PARN: variants seen among roughly 807,000 people sequenced by gnomAD.
PARN encodes the protein poly(A)-specific ribonuclease.
Under a neutral mutation model 102.8 loss-of-function variants are expected in PARN, and 71 were observed. That is an observed-to-expected ratio of 0.69 (90% CI 0.57 to 0.84). The LOEUF (loss-of-function observed/expected upper bound fraction) is 0.84, where lower values mean the gene tolerates loss of function less well. Ranked by LOEUF, PARN falls within the 40% of genes least tolerant of loss-of-function variation. PARN has a pLI of 0.00. For missense variants in PARN, 782 were observed against 760.9 expected, an observed-to-expected ratio of 1.03 and a Z score of -0.33; for synonymous variants, 261 against 252.9, an observed-to-expected ratio of 1.03 and a Z score of -0.30.
At chr16:14,516,576 A>C (rs1032997168) in intron 21 of PARN, among the ~76,000 whole-genome samples, 2 of 152,232 alleles carry the variant, frequency 1.3e-5, no homozygotes, top group African/African-American at 4.8e-5. Context: ...CATATTTAAG[A>C]TTCTCAAAGA....
At chr16:14,564,648 T>C (rs1173720146) in intron 18 of PARN, among the ~76,000 whole-genome samples, 1 of 152,154 alleles carries the variant, frequency 6.6e-6, no homozygotes, top group Non-Finnish European at 1.5e-5. Context: ...CTGGATGATC[T>C]AGACAGACTT....
chr16:14,442,602 CCT>C (rs892656192), intron 23 of PARN, among the ~76,000 whole-genome samples: 7 of 148,274 alleles, frequency 4.7e-5, no homozygotes, highest in South Asian at 2.3e-4. Flanking sequence ...CTCCCTCCCT[CCT>C]CTCTCTTTCT....
rs1187518206 is a variant in PARN, at chr16:14,630,147, T to C, written c.-22A>G. The C allele has an allele frequency of 1.4e-5, 22 of 1,554,908 alleles. No individual in the cohort carries two copies. Among genetic ancestry groups the C allele is most frequent in the Middle Eastern group, 1.7e-4 (1 of 5,924 alleles). On this transcript the variant is annotated 5_prime_UTR_variant, in exon 1 of 24. Transcript: ENST00000437198. ...CCATTCTGCAGAGTGGCCGGAACCT[T>C]GGCCCCACCCGGGCCCGCGCCCGCC...
chr16:14,490,573 C>T (rs540256389), intron 21 of PARN, among the ~76,000 whole-genome samples: 40 of 152,260 alleles, frequency 2.6e-4, no homozygotes, highest in African/African-American at 9.1e-4. Flanking sequence ...AGGCCCAAAT[C>T]CTACTCCTCT....
chr16:14,624,120 C>T (rs965709544), intron 5 of PARN, among the ~76,000 whole-genome samples: 3 of 152,228 alleles, frequency 2.0e-5, no homozygotes, highest in South Asian at 2.1e-4. Flanking sequence ...CATCTCACTG[C>T]GCACACAGGG....
chr16:14,510,023 C>A (rs1179811887), intron 21 of PARN, among the ~76,000 whole-genome samples: 2 of 152,160 alleles, frequency 1.3e-5, no homozygotes, highest in African/African-American at 2.4e-5. Flanking sequence ...AACACCCCAA[C>A]AGAACAATGG....
intron 22 of PARN, among the ~76,000 whole-genome samples, chr16:14,479,996 A>C (rs1240164953): frequency 2.6e-5 from 4 of 152,060 alleles, no homozygotes; most frequent in African/African-American, 9.7e-5. Context: ...GGATTCACTA[A>C]CAATAAACGG....
intron 21 of PARN, among the ~76,000 whole-genome samples, chr16:14,496,882 C>T (rs1964342584): frequency 6.6e-6 from 1 of 152,178 alleles, no homozygotes; most frequent in South Asian, 2.1e-4. Flanking sequence ...CTATTTTCTT[C>T]CATCTTTAAT....
chr16:14,505,278 T>A (rs146668508), intron 21 of PARN, among the ~76,000 whole-genome samples: 103 of 152,288 alleles, frequency 6.8e-4, no homozygotes, highest in African/African-American at 2.2e-3. Flanking sequence ...CTGACAGATA[T>A]ACTATGGAAA....
intron 21 of PARN, among the ~76,000 whole-genome samples, chr16:14,515,737 G>C (rs1291976590): frequency 6.6e-6 from 1 of 151,838 alleles, no homozygotes; most frequent in East Asian, 1.9e-4. Context: ...GGGATTCAAG[G>C]CCAGCCTGGG....
intron 18 of PARN, among the ~76,000 whole-genome samples, chr16:14,573,191 A>G (rs1968912672): frequency 6.6e-6 from 1 of 152,130 alleles, no homozygotes; most frequent in Non-Finnish European, 1.5e-5. Context: ...TTATTTATTT[A>G]TTTTTAATTA....
intron 21 of PARN, among the ~76,000 whole-genome samples, chr16:14,505,684 T>C (rs1008588781): frequency 1.3e-5 from 2 of 152,190 alleles, no homozygotes; most frequent in Non-Finnish European, 2.9e-5. Context: ...TCATTAAATG[T>C]AATAAATAAT....
At chr16:14,531,996 G>A (rs1248881789) in intron 21 of PARN, among the ~76,000 whole-genome samples, 4 of 151,712 alleles carry the variant, frequency 2.6e-5, no homozygotes, top group Admixed American at 1.3e-4. Flanking sequence ...CCAGGAGTTC[G>A]AGGCTGCAGT....
chr16:14,447,446 A>T (rs988069273), intron 22 of PARN, among the ~76,000 whole-genome samples: 1 of 152,268 alleles, frequency 6.6e-6, no homozygotes, highest in Non-Finnish European at 1.5e-5. Flanking sequence ...TTTTGGTTAC[A>T]TTAAATCAGA....
At chr16:14,511,186 G>A (rs1965170490) in intron 21 of PARN, among the ~76,000 whole-genome samples, 1 of 152,152 alleles carries the variant, frequency 6.6e-6, no homozygotes, top group Non-Finnish European at 1.5e-5. Context: ...CTCACTGCTA[G>A]CTTAAAGCCT....
intron 21 of PARN, among the ~76,000 whole-genome samples, chr16:14,513,173 C>T (rs969634115): frequency 6.6e-6 from 1 of 152,174 alleles, no homozygotes; most frequent in Non-Finnish European, 1.5e-5. Context: ...GATCTGCCCG[C>T]CTCGGCCTCC....
intron 21 of PARN, among the ~76,000 whole-genome samples, chr16:14,536,185 T>C (rs1038506178): frequency 2.0e-5 from 3 of 152,234 alleles, no homozygotes; most frequent in African/African-American, 4.8e-5. Flanking sequence ...TAGCCATTTA[T>C]ATAACAAAGT....
chr16:14,548,331 C>A (rs932814866), intron 21 of PARN, among the ~76,000 whole-genome samples: 6 of 151,802 alleles, frequency 4.0e-5, no homozygotes, highest in Admixed American at 1.3e-4. Flanking sequence ...TTATAAAGAA[C>A]AAATTTCACA....
chr16:14,528,099 A>T lies in PARN; in HGVS notation c.1480+23922T>A, dbSNP rs1348022364. Among the ~76,000 whole-genome samples the T allele has an allele frequency of 4.6e-5, 7 of 152,256 alleles. 1 individual carries two copies. The highest frequency in any genetic ancestry group is 4.6e-4 in the Admixed American group (7 of 15,286). On this transcript the variant is annotated intron_variant, in intron 21 of 23. Transcript: ENST00000437198. ...GAGGACTGACTGTATTTTTAAAACC[A>T]TGCCCAAACCAGCTGCTCAAACTGA...
Sources: allele counts gnomAD v4.1 joint callset (sites outside exome capture counted in the v4.1 genomes callset), GRCh38; gene constraint gnomAD v4.1.1; transcripts MANE v1.5; gene names NCBI Gene and HGNC (gene_info 2026-07-23, HGNC 2026-07-21).